BTD: variants seen among roughly 807,000 people sequenced by gnomAD.
BTD encodes biocytinase.
Under a neutral mutation model 17.7 loss-of-function variants are expected in BTD, and 13 were observed. The observed-to-expected ratio is 0.74, with a 90% CI of 0.48 to 1.17. BTD has a LOEUF of 1.17. Ranked by LOEUF, BTD falls within the 50% of genes most tolerant of loss-of-function variation. The probability of loss-of-function intolerance (pLI) is 0.00; values close to 1 mark genes in which losing one functional copy is unlikely to be tolerated. For missense variants in BTD, 674 were observed against 650.4 expected (o/e 1.04, Z -0.39); for synonymous variants, 240 against 245.2 (o/e 0.98, Z 0.20).
rs191890261 is a variant in BTD, at chr3:15,670,188, T to C, written c.399+28131T>C. The C allele has an allele frequency of 2.3e-3, 3,322 of 1,451,286 alleles. 20 individuals are homozygous for C. The highest frequency in any genetic ancestry group is 1.8e-3 in the Non-Finnish European group (1,908 of 1,072,312). 89.9% of individuals were successfully genotyped at this position (1,451,286 alleles called of 1,614,324 possible). On this transcript the variant is annotated intron_variant, in intron 3 of 3. Coordinates refer to the BTD transcript ENST00000672141. ...GGGATCTTTCCTCTTAGGTTGAATT[T>C]CTACGTGAATATCAAAGTGCCTTTT...
At position 15,712,344 on chromosome 3, in the gene BTD, C is replaced by T. The variant is rs147297830; in HGVS notation, c.*2270C>T. The stretch of plus-strand genomic sequence containing the variant: ...CTAAGAGCCAAAATGTCTAACACTT[C>T]GGAGAGTAATTTGGTTAAAGTTTGA... On this transcript the variant is annotated 3_prime_UTR_variant, in exon 4 of 4. Transcript: ENST00000672141. The T allele has an allele frequency of 1.9e-4, 149 of 765,994 alleles. 1 individual carries two copies. The East Asian group carries it at 3.8e-3, about 19-fold the overall frequency. The allele number at this position is 765,994 out of a possible 1,614,324, so 47.4% of individuals were successfully genotyped here.
intron 3 of BTD, among the ~76,000 whole-genome samples, chr3:15,688,610 C>T (rs1011680975): frequency 2.0e-5 from 3 of 152,100 alleles, no homozygotes; most frequent in African/African-American, 7.2e-5. Context: ...CTGGGAGTAA[C>T]AGTGGGTGTT....
At chr3:15,661,084 G>C (rs2065916772) in intron 3 of BTD, among the ~76,000 whole-genome samples, 1 of 151,676 alleles carries the variant, frequency 6.6e-6, no homozygotes, top group Non-Finnish European at 1.5e-5. Context: ...TGGCCAACAT[G>C]GTGAAACCCC....
At chr3:15,623,679 T>A (rs536716419) in intron 1 of BTD, among the ~76,000 whole-genome samples, 1 of 152,344 alleles carries the variant, frequency 6.6e-6, no homozygotes, top group South Asian at 2.1e-4. Flanking sequence ...GATTGGATCA[T>A]GTGGATGGTT....
At chr3:15,626,888 G>C (rs1013105709) in intron 1 of BTD, among the ~76,000 whole-genome samples, 2 of 152,092 alleles carry the variant, frequency 1.3e-5, no homozygotes, top group Non-Finnish European at 2.9e-5. Flanking sequence ...AATGGCACTT[G>C]TGTTAGAACC....
chr3:15,715,151 T>C (rs1299706167), downstream of BTD, among the ~76,000 whole-genome samples: 1 of 152,226 alleles, frequency 6.6e-6, no homozygotes, highest in African/African-American at 2.4e-5. Context: ...TGCACACATA[T>C]ATATTTCATG....
chr3:15,699,800 G>C (rs1233109475), intron 3 of BTD, among the ~76,000 whole-genome samples: 1 of 152,222 alleles, frequency 6.6e-6, no homozygotes, highest in African/African-American at 2.4e-5. Flanking sequence ...GTGTAAATTA[G>C]TTCAACCATT....
chr3:15,632,314 C>T (rs572356513), intron 1 of BTD, among the ~76,000 whole-genome samples: 1 of 152,334 alleles, frequency 6.6e-6, no homozygotes, highest in East Asian at 1.9e-4. Context: ...CACTGTTGGA[C>T]CCCTGACACC....
At chr3:15,609,166 CA>C (rs963682933) in intron 1 of BTD, among the ~76,000 whole-genome samples, 6 of 151,688 alleles carry the variant, frequency 4.0e-5, no homozygotes, top group African/African-American at 7.3e-5. Flanking sequence ...CTTTTCACTT[CA>C]AAAAAAATAC....
intron 3 of BTD, among the ~76,000 whole-genome samples, chr3:15,675,220 G>A (rs1022239061): frequency 3.3e-5 from 5 of 152,106 alleles, no homozygotes; most frequent in African/African-American, 9.7e-5. Flanking sequence ...GCAGTAAGCC[G>A]AGATCATGGC....
At chr3:15,686,351 G>A in intron 3 of BTD, 4 of 1,421,154 alleles carry the variant, frequency 2.8e-6, no homozygotes, top group South Asian at 2.5e-5. Flanking sequence ...TACATATAAT[G>A]ATAAAATAGA....
chr3:15,721,955 G>A (rs1479424218), exon 5 of BTD, among the ~76,000 whole-genome samples: 1 of 152,186 alleles, frequency 6.6e-6, no homozygotes, highest in African/African-American at 2.4e-5. Context: ...ATGTTGGCCA[G>A]GCTGGTCCTG....
Position 15,651,785 on chromosome 3 carries a change from C to T in BTD, c.*6297C>T, listed in dbSNP as rs1441190029. The stretch of plus-strand genomic sequence containing the variant: ...GTATGCAGGGAAGATAAATGCAGCC[C>T]TGGCATGGTTCTTCCAGAACATTCT... On this transcript the variant is annotated 3_prime_UTR_variant, in exon 4 of 4. Transcript: ENST00000643237. Among the ~76,000 whole-genome samples the T allele has an allele frequency of 2.0e-5, 3 of 152,178 alleles. No individual in the cohort carries two copies. The highest frequency in any genetic ancestry group is 7.2e-5 in the African/African-American group (3 of 41,428).
At chr3:15,602,002 C>T (rs2064270318) in intron 1 of BTD, 108 bp downstream of exon 1, 13 of 1,539,580 alleles carry the variant, frequency 8.4e-6, no homozygotes, top group South Asian at 2.4e-5. Context: ...CAAAGGCTGC[C>T]GGGAGCTGGG....
downstream of BTD, among the ~76,000 whole-genome samples, chr3:15,656,204 A>G (rs557610895): frequency 6.6e-6 from 1 of 152,254 alleles, no homozygotes; most frequent in South Asian, 2.1e-4. Context: ...TCAAACCTCA[A>G]CTTTTCTGTT....
intron 4 of BTD, chr3:15,721,150 G>GA: frequency 6.3e-7 from 1 of 1,583,300 alleles, no homozygotes. Context: ...AAAAAAATGC[G>GA]AATGTTAAAG....
intron 2 of BTD, 52 bp from the exon 3 acceptor site, chr3:15,641,856 G>GT (rs1041918357): frequency 7.6e-7 from 1 of 1,319,888 alleles, no homozygotes; most frequent in Admixed American, 1.8e-5. Flanking sequence ...TGAATGCAGC[G>GT]GTTCTTCCTG....
upstream of BTD, chr3:15,601,686 C>T (rs1480885445): frequency 1.3e-6 from 2 of 1,555,972 alleles, no homozygotes; most frequent in Non-Finnish European, 1.7e-6. Flanking sequence ...ATCAGAACTG[C>T]GCTCTCTTCT....
At chr3:15,684,053 G>A (rs879848614) in intron 3 of BTD, 1 of 152,020 alleles carries the variant, frequency 6.6e-6, no homozygotes, top group Non-Finnish European at 1.5e-5. Flanking sequence ...CATTAATCTT[G>A]AAGCTACACT....
Sources: gnomAD v4.1 joint callset for allele counts (sites outside exome capture counted in the v4.1 genomes callset) on GRCh38, gnomAD v4.1.1 for gene constraint, MANE v1.5 for transcripts, NCBI Gene and HGNC (gene_info 2026-07-23, HGNC 2026-07-21) for gene names.